TTC21A: variants seen among roughly 807,000 people sequenced by gnomAD.
The protein encoded by TTC21A is tetratricopeptide repeat protein 21A.
In TTC21A, 128 loss-of-function variants were observed where a neutral mutation model predicts 156.4. The ratio of observed to expected loss-of-function variants is 0.82; its 90% CI spans 0.71 to 0.95. The LOEUF is 0.95. Among genes scored for constraint, TTC21A ranks in the 40% least tolerant of loss-of-function variants. The pLI is 0.00. For missense variants in TTC21A, 1,435 were observed against 1,602.3 expected, an observed-to-expected ratio of 0.90 and a Z score of 1.78; for synonymous variants, 587 against 617.1, an observed-to-expected ratio of 0.95 and a Z score of 0.72.
Position 39,128,839 on chromosome 3 carries a change from A to G in TTC21A, c.1803A>G (p.Glu601=). The G allele has an allele frequency of 6.2e-7, 1 of 1,614,212 alleles. No individual in the cohort carries two copies. Among genetic ancestry groups the G allele is most frequent in the Non-Finnish European group, 8.5e-7 (1 of 1,180,040 alleles). Residue 601 remains glutamate (E), a synonymous_variant, in exon 14 of 29, where the codon GAA becomes GAG. Transcript: ENST00000683103. ...AATTGCCAGCTCTGAAGAAGGAAGA[A>G]GGCAGAAAGTTCCTCAGGCCCTCTG... The part of the protein sequence containing the change: ...VIKLPALKKE[E]GRKFLRPSVQ...
At position 39,119,921 on chromosome 3, in the gene TTC21A, G is replaced by C. The variant is rs1293612317; in HGVS notation, c.802-1G>C. ...TGACATTCTCTGTTTTGTCCCTGCA[G>C]GCTACCAATCACGTTAGAAATCTGA... On this transcript the variant is annotated splice_acceptor_variant, in intron 7 of 28. Transcript: ENST00000683103. LOFTEE classifies it high-confidence loss of function. 6.3e-7 allele frequency: 1 copy of C among 1,599,628 alleles called. No homozygotes were observed. Among genetic ancestry groups the C allele is most frequent in the African/African-American group, 1.4e-5 (1 of 73,284 alleles).
intron 23 of TTC21A, 109 bp downstream of exon 23, chr3:39,136,616 C>G: frequency 7.3e-7 from 1 of 1,362,088 alleles, no homozygotes; most frequent in Non-Finnish European, 1.0e-6. Flanking sequence ...GCCTCCAGGA[C>G]ACCCGGACCC....
chr3:39,112,598 G>A lies in TTC21A; in HGVS notation c.558+18G>A. The A allele has an allele frequency of 6.2e-7, 1 of 1,613,408 alleles. No homozygotes were observed. Among genetic ancestry groups the A allele is most frequent in the Non-Finnish European group, 8.5e-7 (1 of 1,179,814 alleles). On this transcript the variant is annotated intron_variant, in intron 5 of 28. Transcript: ENST00000683103. ...TGGGAAAGGTGGGCAGTGGAAAAGG[G>A]AGAGGTGGAAGTATTCCTGGCCAGG...
At chr3:39,128,184 C>A (rs1282953668) in intron 12 of TTC21A, 147 bp from the exon 13 acceptor site, 16 of 913,356 alleles carry the variant, frequency 1.8e-5, no homozygotes, top group Admixed American at 2.5e-5. Flanking sequence ...AAATGGACCC[C>A]TGAGTGAAGC....
At chr3:39,113,414 TG>T (rs1267882734) in intron 5 of TTC21A, among the ~76,000 whole-genome samples, 3 of 152,204 alleles carry the variant, frequency 2.0e-5, no homozygotes, top group Non-Finnish European at 2.9e-5. Flanking sequence ...GCCTACTCTT[TG>T]GGGAACTCTG....
rs375866926 is a variant in TTC21A at position 39,130,766 on chromosome 3, C to A, written c.2385C>A (p.Gly795=). The change falls in exon 18 of 29, where the codon GGC becomes GGA. Residue 795 remains glycine, a synonymous_variant. Coordinates refer to ENST00000683103, the MANE Select transcript of TTC21A (RefSeq NM_001366900.1). The surrounding 1 kb of genome is among the most constrained non-coding windows in gnomAD (Gnocchi z 4.5). ...NGQDFLCCDL[G]KLLLKLKKVN... is the part of the protein sequence containing the mutation. ...AGGACTTTCTGTGCTGCGATCTGGG[C>A]AAACTGCTCCTGAAGTTAAAGAAGG... 2 of 1,614,192 alleles carry A rather than the reference C, an allele frequency of 1.2e-6. No individual in the cohort carries two copies. Among genetic ancestry groups the A allele is most frequent in the South Asian group, 1.1e-5 (1 of 91,086 alleles).
In TTC21A at chr3:39,133,153, T is replaced by C. The variant is rs769063723; in HGVS notation, c.2664T>C (p.Phe888=). The C allele has an allele frequency of 6.2e-7, 1 of 1,614,116 alleles. No homozygotes were observed. Among genetic ancestry groups the C allele is most frequent in the Non-Finnish European group, 8.5e-7 (1 of 1,180,056 alleles). The part of the protein sequence containing the change: ...KQLAASICIQ[F]AEHYLAEKEY... ...TGGCAGCCTCTATCTGCATCCAATT[T>C]GCAGAGCACTACCTGGCAGAGAAAG... Residue 888 remains phenylalanine (F), a synonymous_variant, in exon 20 of 29, where the codon TTT becomes TTC. Transcript: ENST00000683103.
chr3:39,136,491 A>G lies in TTC21A; in HGVS notation c.3079A>G (p.Arg1027Gly), dbSNP rs1199769445. 1.2e-6 allele frequency: 2 copies of G among 1,614,230 alleles called. No homozygotes were observed. The highest frequency in any genetic ancestry group is 4.5e-5 in the East Asian group (2 of 44,892). ...TTTGGAACCAGGGTTCAATTACTGC[A>G]GAGGTATCTACTGCTGGTGAGTTGG... ...VPLEPGFNYCRGIYCWHIGQP... is the reference protein window; with the variant it reads ...VPLEPGFNYCGGIYCWHIGQP... Residue 1027 changes from arginine (R) to glycine (G), a missense_variant, in exon 23 of 29, where the codon AGA becomes GGA. By Grantham distance (125) the Arg-to-Gly change is moderately radical. Transcript: ENST00000683103.
chr3:39,132,803 A>C (rs751049488), intron 19 of TTC21A: 2 of 550,772 alleles, frequency 3.6e-6, no homozygotes, highest in Non-Finnish European at 6.5e-6. Flanking sequence ...GGAAGCAGGT[A>C]AACAGGCTAA....
intron 22 of TTC21A, 109 bp downstream of exon 22, chr3:39,135,283 C>T (rs1469464328): frequency 3.2e-6 from 3 of 932,312 alleles, no homozygotes; most frequent in Non-Finnish European, 5.2e-6. Flanking sequence ...GAGGAAGCCC[C>T]TTCCTCCCTG....
intron 6 of TTC21A, 125 bp downstream of exon 6, chr3:39,114,867 A>G (rs1370872517): frequency 9.0e-7 from 1 of 1,109,366 alleles, no homozygotes; most frequent in Admixed American, 2.1e-5. Context: ...GAATTGTGCT[A>G]TGGCCAAATT....
intron 22 of TTC21A, 35 bp downstream of exon 22, chr3:39,135,209 C>T: frequency 2.5e-6 from 4 of 1,579,870 alleles, no homozygotes; most frequent in Non-Finnish European, 3.5e-6. Context: ...TGTACCAGTT[C>T]CCACTGAGCA....
chr3:39,121,249 C>T, intron 9 of TTC21A, 60 bp downstream of exon 9: 1 of 1,493,520 alleles, frequency 6.7e-7, no homozygotes, highest in Non-Finnish European at 9.2e-7. Context: ...GGGCAGCTTC[C>T]ATGGGTCCAG....
chr3:39,107,853 T>C lies in TTC21A; in HGVS notation c.16T>C (p.Ser6Pro), dbSNP rs748396318. The C allele has an allele frequency of 1.4e-5, 22 of 1,612,606 alleles. No homozygotes were observed. The highest frequency in any genetic ancestry group is 1.9e-5 in the Non-Finnish European group (22 of 1,179,958). The change falls in exon 1 of 29, where the codon TCC becomes CCC. Residue 6 changes from serine (S) to proline (P), a missense_variant. Transcript: ENST00000683103. Reference protein sequence around the residue: MSSNDSSLMAGIIYYS... With the variant: MSSNDPSLMAGIIYYS... ...GCGGCCCGAGATGAGCAGCAATGAC[T>C]CCTCCCTTATGGTGCGTGGCCCGGG... is the stretch of plus-strand genomic sequence containing the variant.
At chr3:39,124,354 T>C (rs183831682) in intron 9 of TTC21A, among the ~76,000 whole-genome samples, 6 of 152,168 alleles carry the variant, frequency 3.9e-5, no homozygotes, top group Admixed American at 3.9e-4. Context: ...GACTATCATA[T>C]ACAAATTTTA....
At chr3:39,125,222 C>A (rs1379862961) in intron 10 of TTC21A, 62 bp downstream of exon 10, 3 of 1,535,634 alleles carry the variant, frequency 2.0e-6, no homozygotes, top group Non-Finnish European at 2.7e-6. Context: ...CCTCCCACCC[C>A]CACTTTCCAA....
At position 39,125,177 on chromosome 3, in the gene TTC21A, G is replaced by C. The variant is rs753062097; in HGVS notation, c.1191+17G>C. The C allele has an allele frequency of 1.3e-6, 2 of 1,596,354 alleles. No homozygotes were observed. Among genetic ancestry groups the C allele is most frequent in the East Asian group, 4.5e-5 (2 of 44,818 alleles). ...AAGTCTGAGGTCAGAGCTCCCTGGG[G>C]GTATGGGTTGCTCCAGGATGATGTC... On this transcript the variant is annotated intron_variant, in intron 10 of 28. Coordinates refer to ENST00000683103, the MANE Select transcript of TTC21A (RefSeq NM_001366900.1).
intron 7 of TTC21A, chr3:39,119,700 G>A (rs2037593982): frequency 4.8e-6 from 2 of 419,366 alleles, no homozygotes; most frequent in South Asian, 1.3e-4. Context: ...GCCAGCTCTG[G>A]GTGAATAATG....
chr3:39,119,729 A>C lies in TTC21A; in HGVS notation c.802-193A>C. On this transcript the variant is annotated intron_variant, in intron 7 of 28. Coordinates refer to ENST00000683103, the MANE Select transcript of TTC21A (RefSeq NM_001366900.1). ...AATAATGTCCCCAGGAGTTCCACTT[A>C]TAGGCCTTTGAAGTAATTCTGATGC... The C allele has an allele frequency of 2.4e-5, 12 of 508,808 alleles. No individual in the cohort carries two copies. The South Asian group carries it at 3.6e-4, about 15-fold the overall frequency. The allele number at this position is 508,808 out of a possible 1,614,324, so 31.5% of individuals were successfully genotyped here.
Sources: allele counts gnomAD v4.1 joint callset (sites outside exome capture counted in the v4.1 genomes callset), GRCh38; gene constraint gnomAD v4.1.1; non-coding constraint Gnocchi (gnomAD v3.1); transcripts MANE v1.5; gene names NCBI Gene and HGNC (gene_info 2026-07-23, HGNC 2026-07-21).